Variants in DCC observed in about 807,000 individuals in gnomAD.
DCC encodes the protein DCC netrin 1 receptor, also known as netrin receptor DCC.
DCC carries 58 observed loss-of-function variants against 172.5 expected under a neutral mutation model. That is an observed-to-expected ratio of 0.34 (90% CI 0.27 to 0.42). The LOEUF (loss-of-function observed/expected upper bound fraction) is 0.42. Ranked by LOEUF, DCC falls within the 10% of genes least tolerant of loss-of-function variation. The pLI is 1.00. For synonymous variants in DCC, 709 were observed against 644.5 expected, an observed-to-expected ratio of 1.10 and a Z score of -1.52; for missense variants, 1,740 against 1,791.0, an observed-to-expected ratio of 0.97 and a Z score of 0.51.
rs1233723874 is a variant in DCC at position 52,947,498 on chromosome 18, A to G, written c.985+22128A>G. On this transcript the variant is annotated intron_variant, in intron 5 of 28. Coordinates refer to ENST00000442544, the MANE Select transcript of DCC (RefSeq NM_005215.4). ...TGATATAGCAAGAACTTTCCAGTCC[A>G]CTTGAGGATGTTTCTATAAACTTTT... Among the ~76,000 whole-genome samples the G allele has an allele frequency of 2.0e-5, 3 of 152,294 alleles. No homozygotes were observed. The East Asian group carries it at 5.8e-4, about 29-fold the overall frequency.
chr18:53,109,152 G>A lies in DCC; in HGVS notation c.1261+42986G>A, dbSNP rs116077254. Among the ~76,000 whole-genome samples the A allele has an allele frequency of 1.5e-3, 232 of 151,496 alleles. 2 individuals are homozygous for A. The highest frequency in any genetic ancestry group is 4.9e-3 in the African/African-American group (203 of 41,428). On this transcript the variant is annotated intron_variant, in intron 7 of 28. Transcript: ENST00000442544. ...TGTACTTCCCTGATGACTAATGAGGGTAGTCAGCTTTTTGTATATTTGTTG... is the reference window on the plus strand; with the variant it reads ...TGTACTTCCCTGATGACTAATGAGGATAGTCAGCTTTTTGTATATTTGTTG...
At chr18:53,373,893 T>C (rs2058084968) in intron 15 of DCC, among the ~76,000 whole-genome samples, 1 of 152,122 alleles carries the variant, frequency 6.6e-6, no homozygotes, top group African/African-American at 2.4e-5. Context: ...GTGTGATATA[T>C]GTATGCAAAC....
At chr18:53,497,216 C>T (rs1284615866) in intron 26 of DCC, among the ~76,000 whole-genome samples, 1 of 152,174 alleles carries the variant, frequency 6.6e-6, no homozygotes, top group African/African-American at 2.4e-5. Flanking sequence ...CACAGAGGAA[C>T]ACAGAAGCCA....
chr18:53,161,146 C>T (rs2144408840), intron 8 of DCC, among the ~76,000 whole-genome samples: 1 of 152,296 alleles, frequency 6.6e-6, no homozygotes, highest in African/African-American at 2.4e-5. Context: ...TAGGAATATT[C>T]CTTGAATTGT....
intron 12 of DCC, among the ~76,000 whole-genome samples, chr18:53,279,647 TAAAA>T (rs34872786): frequency 3.6e-5 from 5 of 139,300 alleles, no homozygotes; most frequent in African/African-American, 1.1e-4. Flanking sequence ...TAAAGTATAA[TAAAA>T]AAAAAAAAAA....
intron 1 of DCC, among the ~76,000 whole-genome samples, chr18:52,364,875 T>C (rs1380691650): frequency 6.6e-6 from 1 of 152,194 alleles, no homozygotes; most frequent in African/African-American, 2.4e-5. Context: ...AATGAGTTTC[T>C]TGGGTGATCC....
At chr18:53,362,498 C>G (rs141690082) in intron 15 of DCC, among the ~76,000 whole-genome samples, 1 of 152,018 alleles carries the variant, frequency 6.6e-6, no homozygotes, top group African/African-American at 2.4e-5. Flanking sequence ...CTCCATCTGT[C>G]GAAGGAACAT....
rs569859464 is a variant in DCC at position 52,696,585 on chromosome 18, A to T, written c.92-55469A>T. The stretch of plus-strand genomic sequence containing the variant: ...TGGTATGCCATTAGGAAATGAGTCT[A>T]TATCTCTCTTGAGAGGAGATGCAGA... On this transcript the variant is annotated intron_variant, in intron 1 of 28. Coordinates refer to ENST00000442544, the MANE Select transcript of DCC (RefSeq NM_005215.4). 3.5e-4 allele frequency among the ~76,000 whole-genome samples: 54 copies of T among 152,360 alleles called. No homozygotes were observed. In the South Asian group the frequency reaches 0.011, roughly 31 times the overall value.
At chr18:52,583,465 G>A (rs888348414) in intron 1 of DCC, among the ~76,000 whole-genome samples, 1 of 152,142 alleles carries the variant, frequency 6.6e-6, no homozygotes, top group Non-Finnish European at 1.5e-5. Context: ...CTAGTAAAAT[G>A]TAAAGAGTTA....
At chr18:53,248,210 T>C (rs927189880) in intron 12 of DCC, among the ~76,000 whole-genome samples, 5 of 152,082 alleles carry the variant, frequency 3.3e-5, no homozygotes, top group African/African-American at 4.8e-5. Context: ...TTTATCTATC[T>C]CTTCCCCCAT....
rs539311245 is a variant in DCC at position 53,142,587 on chromosome 18, CCT to C, written c.1262-14766_1262-14765del. ...TATAATTTAAGCAACAGTCCCTACCCCTCTTTAAAATAAACATTTTTATATAT... is the reference window on the plus strand; with the variant it reads ...TATAATTTAAGCAACAGTCCCTACCCCTTTAAAATAAACATTTTTATATAT... On this transcript the variant is annotated intron_variant, in intron 7 of 28. Coordinates refer to ENST00000442544, the MANE Select transcript of DCC (RefSeq NM_005215.4). Among the ~76,000 whole-genome samples, 13 of 152,220 alleles carry C rather than the reference CCT, an allele frequency of 8.5e-5. No individual in the cohort carries two copies. The South Asian group carries it at 2.7e-3, about 32-fold the overall frequency.
chr18:53,335,036 C>T (rs1289626484), intron 14 of DCC, among the ~76,000 whole-genome samples: 1 of 152,162 alleles, frequency 6.6e-6, no homozygotes, highest in Non-Finnish European at 1.5e-5. Context: ...AGCAGGTATA[C>T]TATTGTACAT....
intron 5 of DCC, among the ~76,000 whole-genome samples, chr18:53,047,439 A>C (rs1271561926): frequency 1.1e-5 from 1 of 87,182 alleles, no homozygotes; most frequent in Admixed American, 1.0e-4. Context: ...ATATATATAT[A>C]TATATATATA....
intron 1 of DCC, among the ~76,000 whole-genome samples, chr18:52,665,413 ATTAAGT>A (rs1441512888): frequency 5.9e-5 from 9 of 152,242 alleles, no homozygotes. Flanking sequence ...ATGTAATTAC[ATTAAGT>A]TTAATTACAT....
intron 1 of DCC, among the ~76,000 whole-genome samples, chr18:52,747,866 A>G (rs1678468797): frequency 6.6e-6 from 1 of 152,208 alleles, no homozygotes; most frequent in Non-Finnish European, 1.5e-5. Context: ...CCTGTGTGCA[A>G]TACAAGGAAG....
At chr18:53,203,201 T>TTGTG (rs66474118) in intron 9 of DCC, among the ~76,000 whole-genome samples, 1,705 of 125,288 alleles carry the variant, frequency 0.014, 33 homozygotes, top group African/African-American at 0.04. Flanking sequence ...ATAGATTCTC[T>TTGTG]TGTGTGTGTG....
chr18:53,396,099 G>A (rs1384477481), intron 17 of DCC, among the ~76,000 whole-genome samples: 4 of 146,226 alleles, frequency 2.7e-5, no homozygotes, highest in Non-Finnish European at 4.6e-5. Flanking sequence ...AGAAGGATTC[G>A]TAGTAGAATT....
At chr18:52,629,906 C>T (rs1027967006) in intron 1 of DCC, among the ~76,000 whole-genome samples, 5 of 141,974 alleles carry the variant, frequency 3.5e-5, no homozygotes, top group African/African-American at 1.1e-4. Flanking sequence ...GCGGAGATGG[C>T]GCCACTGCAC....
At chr18:52,829,312 C>T (rs1020180194) in intron 2 of DCC, among the ~76,000 whole-genome samples, 3 of 152,108 alleles carry the variant, frequency 2.0e-5, no homozygotes, top group Non-Finnish European at 4.4e-5. Flanking sequence ...CAGTAGGATC[C>T]GTATGCTGGT....
Sources: gnomAD v4.1 joint callset for allele counts (sites outside exome capture counted in the v4.1 genomes callset) on GRCh38, gnomAD v4.1.1 for gene constraint, MANE v1.5 for transcripts, NCBI Gene and HGNC (gene_info 2026-07-23, HGNC 2026-07-21) for gene names.